CPNE8: variants seen among roughly 807,000 people sequenced by gnomAD.
CPNE8 encodes the protein copine 8.
Under a neutral mutation model 81.5 loss-of-function variants are expected in CPNE8, and 45 were observed. The observed-to-expected ratio is 0.55, with a 90% CI of 0.44 to 0.71. The LOEUF (loss-of-function observed/expected upper bound fraction) is 0.71, where lower values mean the gene tolerates loss of function less well. Among genes scored for constraint, CPNE8 ranks in the 30% least tolerant of loss-of-function variants. The probability of loss-of-function intolerance (pLI) is 0.00; values close to 1 mark genes in which losing one functional copy is unlikely to be tolerated. For synonymous variants in CPNE8, 252 were observed against 226.3 expected (o/e 1.11, Z -1.02); for missense variants, 594 against 672.1 (o/e 0.88, Z 1.28).
intron 11 of CPNE8, among the ~76,000 whole-genome samples, chr12:38,729,369 C>G (rs1198157061): frequency 6.6e-6 from 1 of 151,940 alleles, no homozygotes; most frequent in East Asian, 1.9e-4. Flanking sequence ...TTTCATAGAG[C>G]ACTAAGTATA....
At chr12:38,770,209 G>A (rs974453659) in intron 7 of CPNE8, among the ~76,000 whole-genome samples, 3 of 152,098 alleles carry the variant, frequency 2.0e-5, no homozygotes, top group East Asian at 1.9e-4. Context: ...AACATCTAAC[G>A]TCTATCCATA....
intron 8 of CPNE8, among the ~76,000 whole-genome samples, chr12:38,764,862 AAG>A (rs150812861): frequency 0.018 from 2,688 of 149,568 alleles, 55 homozygotes; most frequent in African/African-American, 0.054. Flanking sequence ...AGATGACAGG[AAG>A]AGAGAGAGAG....
upstream of CPNE8, chr12:38,906,181 T>C (rs1944569505): frequency 1.0e-6 from 1 of 985,664 alleles, no homozygotes; most frequent in African/African-American, 1.7e-5. Flanking sequence ...CCGTCCCTCC[T>C]ACTGTGCCCT....
intron 6 of CPNE8, among the ~76,000 whole-genome samples, chr12:38,793,527 A>T (rs1942378737): frequency 6.6e-6 from 1 of 151,948 alleles, no homozygotes; most frequent in South Asian, 2.1e-4. Context: ...AGTGAAAAAC[A>T]TTTACAATTA....
intron 4 of CPNE8, 35 bp downstream of exon 4, chr12:38,848,523 CA>C: frequency 1.3e-6 from 2 of 1,541,658 alleles, no homozygotes. Context: ...TCTTTAAAAT[CA>C]AATTTTTCTA....
At position 38,660,515 on chromosome 12, in the gene CPNE8, G is replaced by A. The variant is rs148482315; in HGVS notation, c.1507-6445C>T. On this transcript the variant is annotated intron_variant, in intron 19 of 19. Transcript: ENST00000331366. The stretch of plus-strand genomic sequence containing the variant: ...TAGACTTAAAACCATAAAATCCCTA[G>A]AAGAAAACCTAGGCAATACCATTCA... Among the ~76,000 whole-genome samples, 453 of 152,236 alleles carry A rather than the reference G, an allele frequency of 3.0e-3. 4 individuals are homozygous for A. The highest frequency in any genetic ancestry group is 9.7e-3 in the African/African-American group (404 of 41,532).
chr12:38,757,069 A>G (rs990667946), intron 10 of CPNE8, among the ~76,000 whole-genome samples: 1 of 152,318 alleles, frequency 6.6e-6, no homozygotes, highest in Non-Finnish European at 1.5e-5. Flanking sequence ...TTAAAATTAT[A>G]TATGTGACTT....
At chr12:38,737,146 C>A (rs762175465) in intron 10 of CPNE8, among the ~76,000 whole-genome samples, 2 of 151,248 alleles carry the variant, frequency 1.3e-5, no homozygotes, top group Non-Finnish European at 3.0e-5. Flanking sequence ...CAATAATTAT[C>A]ATTATTATAC....
intron 13 of CPNE8, among the ~76,000 whole-genome samples, chr12:38,710,508 C>G (rs772475374): frequency 3.3e-5 from 5 of 152,090 alleles, no homozygotes; most frequent in Non-Finnish European, 7.4e-5. Flanking sequence ...AGACAGGTAA[C>G]AACCACATTG....
intron 10 of CPNE8, among the ~76,000 whole-genome samples, chr12:38,751,375 G>A (rs573679314): frequency 6.6e-6 from 1 of 152,114 alleles, no homozygotes; most frequent in South Asian, 2.1e-4. Flanking sequence ...TTAGGTATGG[G>A]CATCTTCTTA....
At chr12:38,714,788 T>G (rs758319130) in intron 13 of CPNE8, among the ~76,000 whole-genome samples, 1 of 152,038 alleles carries the variant, frequency 6.6e-6, no homozygotes, top group Non-Finnish European at 1.5e-5. Context: ...TTTTACGGAT[T>G]GAGACAATGA....
chr12:38,697,432 C>T (rs947328143), intron 14 of CPNE8, among the ~76,000 whole-genome samples: 70 of 152,036 alleles, frequency 4.6e-4, no homozygotes, highest in African/African-American at 1.5e-3. Flanking sequence ...GGGTTGCTTC[C>T]ACATTTGGGA....
intron 6 of CPNE8, among the ~76,000 whole-genome samples, chr12:38,812,358 T>C (rs970797800): frequency 5.9e-5 from 9 of 152,218 alleles, no homozygotes; most frequent in African/African-American, 2.2e-4. Context: ...ACAGGTTTAA[T>C]TGACTCACAG....
intron 6 of CPNE8, among the ~76,000 whole-genome samples, chr12:38,783,088 GA>G (rs1206386281): frequency 6.6e-6 from 1 of 152,090 alleles, no homozygotes; most frequent in Non-Finnish European, 1.5e-5. Context: ...CATTTTGAGA[GA>G]CATAGAATAA....
At chr12:38,680,987 G>A (rs1939397783) in intron 16 of CPNE8, among the ~76,000 whole-genome samples, 1 of 151,734 alleles carries the variant, frequency 6.6e-6, no homozygotes, top group Non-Finnish European at 1.5e-5. Flanking sequence ...AAATGTGACA[G>A]CCTCAAAACA....
chr12:38,790,826 A>T (rs949668065), intron 6 of CPNE8, among the ~76,000 whole-genome samples: 1 of 151,742 alleles, frequency 6.6e-6, no homozygotes, highest in Non-Finnish European at 1.5e-5. Flanking sequence ...GAGAGACTGG[A>T]TAATTTGTTT....
chr12:38,719,340 A>T (rs1423628396), intron 13 of CPNE8, among the ~76,000 whole-genome samples: 2 of 152,168 alleles, frequency 1.3e-5, no homozygotes, highest in Non-Finnish European at 1.5e-5. Flanking sequence ...GTGGTGGCTC[A>T]TTCCTGTGAT....
In CPNE8 at chr12:38,725,836, G is replaced by A. The variant is rs1410622177; in HGVS notation, c.799-937C>T. Among the ~76,000 whole-genome samples, 3 of 26,534 alleles carry A rather than the reference G, an allele frequency of 1.1e-4. No individual in the cohort carries two copies. The Non-Finnish European group carries it at 1.6e-3, about 14-fold the overall frequency. 17.4% of individuals were successfully genotyped at this position (26,534 alleles called of 152,430 possible). On this transcript the variant is annotated intron_variant, in intron 11 of 19. Coordinates refer to ENST00000331366, the MANE Select transcript of CPNE8 (RefSeq NM_153634.3). ...TTAATCTTGGCCAGGGAGTTTGGGT[G>A]TTAATTTAGTTGATGTTTAAATAGG...
At chr12:38,739,080 T>C (rs1216227677) in intron 10 of CPNE8, among the ~76,000 whole-genome samples, 2 of 152,116 alleles carry the variant, frequency 1.3e-5, no homozygotes, top group Non-Finnish European at 2.9e-5. Flanking sequence ...CCAAAGTGCT[T>C]GGATTACAGG....
Sources: gnomAD v4.1 joint callset for allele counts (sites outside exome capture counted in the v4.1 genomes callset) on GRCh38, gnomAD v4.1.1 for gene constraint, MANE v1.5 for transcripts, NCBI Gene and HGNC (gene_info 2026-07-23, HGNC 2026-07-21) for gene names.